The following ACAN variants were observed in gnomAD, a reference collection of about 807,000 sequenced individuals.
The protein encoded by ACAN is aggrecan core protein.
Under a neutral mutation model 169.1 loss-of-function variants are expected in ACAN, and 47 were observed. The ratio of observed to expected loss-of-function variants is 0.28; its 90% CI spans 0.22 to 0.35. ACAN has a LOEUF of 0.35. Ranked by LOEUF, ACAN falls within the 10% of genes least tolerant of loss-of-function variation. The pLI is 1.00. For synonymous variants in ACAN, 1,115 were observed against 1,112.2 expected, an observed-to-expected ratio of 1.00 and a Z score of -0.05; for missense variants, 2,716 against 2,759.9, an observed-to-expected ratio of 0.98 and a Z score of 0.36.
chr15:88,842,732 T>G (rs1021427522), intron 5 of ACAN, among the ~76,000 whole-genome samples: 1 of 152,230 alleles, frequency 6.6e-6, no homozygotes, highest in Non-Finnish European at 1.5e-5. Context: ...AACTGCCAGT[T>G]AGAGCTGCCA....
Position 88,858,639 on chromosome 15 carries a change from C to G in ACAN, c.6054C>G (p.Ser2018=). Reference sequence around the variant, plus strand: ...GCACCACCAATGTAAGTGGAGAATCCTCTGTAGCCATGGGCACCAGTGGAG... The same window carrying G: ...GCACCACCAATGTAAGTGGAGAATCGTCTGTAGCCATGGGCACCAGTGGAG... ...FASTTNVSGE[S]SVAMGTSGEA... Residue 2018 remains serine (S), a synonymous_variant, in exon 12 of 19, where the codon TCC becomes TCG. Transcript: ENST00000560601. This position sits in a 1 kb window ranked among gnomAD's most constrained non-coding sequence, Gnocchi z 4.0. 1 of 1,613,940 alleles carries G rather than the reference C, an allele frequency of 6.2e-7. No homozygotes were observed. Among genetic ancestry groups the G allele is most frequent in the Non-Finnish European group, 8.5e-7 (1 of 1,179,904 alleles).
chr15:88,839,064 G>A lies in ACAN; in HGVS notation c.454+18G>A, dbSNP rs747910085. On this transcript the variant is annotated intron_variant, in intron 3 of 18. Coordinates refer to ENST00000560601, the MANE Select transcript of ACAN (RefSeq NM_001369268.1). The surrounding 1 kb of genome is among the most constrained non-coding windows in gnomAD (Gnocchi z 4.5). ...GGTGAAAGGTGAGAGCCTCCCACAGGGACAGACGCTGCTTCACCCACATAA... is the reference window on the plus strand; with the variant it reads ...GGTGAAAGGTGAGAGCCTCCCACAGAGACAGACGCTGCTTCACCCACATAA... The A allele has an allele frequency of 1.9e-6, 3 of 1,598,006 alleles. No homozygotes were observed. Among genetic ancestry groups the A allele is most frequent in the Non-Finnish European group, 1.7e-6 (2 of 1,178,548 alleles).
At chr15:88,804,188 A>T (rs1470848264) in intron 1 of ACAN, among the ~76,000 whole-genome samples, 1 of 152,168 alleles carries the variant, frequency 6.6e-6, no homozygotes, top group Non-Finnish European at 1.5e-5. Flanking sequence ...CAAATCCCCG[A>T]GGTGCTACTT....
rs1896604547 is a variant in ACAN at position 88,839,871 on chromosome 15, G to A, written c.455-141G>A. On this transcript the variant is annotated intron_variant, in intron 3 of 18. Transcript: ENST00000560601. The surrounding 1 kb of genome is among the most constrained non-coding windows in gnomAD (Gnocchi z 4.5). ...ATTCAGAAGGATCACGTGCAAAGGTGTACAGGGAGTCATGCATCAGCCCAG... is the reference window on the plus strand; with the variant it reads ...ATTCAGAAGGATCACGTGCAAAGGTATACAGGGAGTCATGCATCAGCCCAG... 1 of 944,764 alleles carries A rather than the reference G, an allele frequency of 1.1e-6. No homozygotes were observed. Among genetic ancestry groups the A allele is most frequent in the South Asian group, 1.7e-5 (1 of 60,342 alleles). 58.5% of individuals were successfully genotyped at this position (944,764 alleles called of 1,614,324 possible).
At chr15:88,817,301 C>G (rs1261985910) in intron 1 of ACAN, among the ~76,000 whole-genome samples, 1 of 152,008 alleles carries the variant, frequency 6.6e-6, no homozygotes, top group Non-Finnish European at 1.5e-5. Flanking sequence ...GCCACCACGC[C>G]CGACTAATTT....
intron 1 of ACAN, among the ~76,000 whole-genome samples, chr15:88,804,990 A>T (rs1228035339): frequency 2.6e-5 from 4 of 152,160 alleles, no homozygotes; most frequent in South Asian, 2.1e-4. Context: ...TCGTCTGAAG[A>T]GGAGGGCAAG....
chr15:88,841,576 G>A (rs1896662043), intron 4 of ACAN, among the ~76,000 whole-genome samples, 164 bp from the exon 5 acceptor site: 1 of 152,136 alleles, frequency 6.6e-6, no homozygotes, highest in Non-Finnish European at 1.5e-5. Context: ...CTTTAATCAT[G>A]ATTCACTGTA....
At position 88,849,960 on chromosome 15, in the gene ACAN, T is replaced by A. The variant is rs1034521744; in HGVS notation, c.2026+229T>A. On this transcript the variant is annotated intron_variant, in intron 10 of 18. Transcript: ENST00000560601. This position sits in a 1 kb window ranked among gnomAD's most constrained non-coding sequence, Gnocchi z 5.1. ...AGTAGAGATAAATAAGAACTTGAGC[T>A]GGTATTTATGTCTACTAGAAATGAA... 3.0e-6 allele frequency: 2 copies of A among 659,408 alleles called. No homozygotes were observed. Among genetic ancestry groups the A allele is most frequent in the African/African-American group, 3.6e-5 (2 of 55,526 alleles). The allele number at this position is 659,408 out of a possible 1,614,324, so 40.8% of individuals were successfully genotyped here. A position where few individuals can be genotyped will look rare whatever the true frequency, so the allele number is the denominator to read the frequency against.
intron 1 of ACAN, among the ~76,000 whole-genome samples, chr15:88,806,878 A>G (rs775887968): frequency 2.0e-5 from 3 of 152,166 alleles, no homozygotes; most frequent in Non-Finnish European, 4.4e-5. Flanking sequence ...AATACCAGAT[A>G]ATCTCATAGT....
chr15:88,842,838 T>C (rs940457692), intron 5 of ACAN, among the ~76,000 whole-genome samples: 1 of 152,138 alleles, frequency 6.6e-6, no homozygotes, highest in African/African-American at 2.4e-5. Flanking sequence ...TTGTTAGATT[T>C]TGGGAAATTT....
rs1897079157 is a variant in ACAN, at chr15:88,857,360, G to C, written c.4775G>C (p.Gly1592Ala). ...GAGGACCTCAGTGGGTTGCCTTCTG[G>C]AAAAGAAGACTTGGTGGGGTCAGCT... ...GAEDLSGLPSGKEDLVGSASG... is the reference protein window; with the variant it reads ...GAEDLSGLPSAKEDLVGSASG... The change falls in exon 12 of 19, where the codon GGA (glycine) becomes GCA (alanine). Residue 1592 changes from glycine to alanine, a missense_variant. Transcript: ENST00000560601. The C allele has an allele frequency of 1.2e-6, 2 of 1,613,858 alleles. No individual in the cohort carries two copies. The highest frequency in any genetic ancestry group is 1.3e-5 in the African/African-American group (1 of 74,930).
Position 88,841,991 on chromosome 15 carries a change from C to A in ACAN, c.757+124C>A, listed in dbSNP as rs537393711. 146 of 1,320,502 alleles carry A rather than the reference C, an allele frequency of 1.1e-4. 1 individual carries two copies. The African/African-American group carries it at 1.3e-3, about 12-fold the overall frequency. 81.8% of individuals were successfully genotyped at this position (1,320,502 alleles called of 1,614,324 possible). A position where few individuals can be genotyped will look rare whatever the true frequency, so the allele number is the denominator to read the frequency against. ...AGCTCAGGGCCTGACACACTCTGTC[C>A]TCCTCTGCCATGAAGGGAGGTGGGC... On this transcript the variant is annotated intron_variant, in intron 5 of 18. Coordinates refer to ENST00000560601, the MANE Select transcript of ACAN (RefSeq NM_001369268.1).
At chr15:88,805,958 A>G (rs879041876) in intron 1 of ACAN, among the ~76,000 whole-genome samples, 2 of 152,040 alleles carry the variant, frequency 1.3e-5, no homozygotes, top group Non-Finnish European at 2.9e-5. Context: ...CCCCTCCCCA[A>G]TTAGAGAGGG....
chr15:88,842,737 C>T (rs1365665052), intron 5 of ACAN, among the ~76,000 whole-genome samples: 1 of 152,240 alleles, frequency 6.6e-6, no homozygotes, highest in South Asian at 2.1e-4. Flanking sequence ...CCAGTTAGAG[C>T]TGCCACTGAG....
rs1896876053 is a variant in ACAN at position 88,849,435 on chromosome 15, C to A, written c.1733-3C>A. The A allele has an allele frequency of 5.1e-6, 8 of 1,579,844 alleles. No individual in the cohort carries two copies. The East Asian group carries it at 1.8e-4, about 36-fold the overall frequency. On this transcript the variant is annotated splice_polypyrimidine_tract_variant and splice_region_variant and intron_variant, in intron 9 of 18. Transcript: ENST00000560601. The surrounding 1 kb of genome is among the most constrained non-coding windows in gnomAD (Gnocchi z 5.1). Reference sequence around the variant, plus strand: ...ATATTCTACCCCTTGCCTCTGCCCCCAGGGGAGGTGTTCTTCGCCACACGC... The same window carrying A: ...ATATTCTACCCCTTGCCTCTGCCCCAAGGGGAGGTGTTCTTCGCCACACGC...
intron 4 of ACAN, among the ~76,000 whole-genome samples, chr15:88,840,857 G>A (rs1000765263): frequency 1.3e-5 from 2 of 152,046 alleles, no homozygotes; most frequent in African/African-American, 2.4e-5. Context: ...ATAAAGAACT[G>A]GACTCAGCCG....
chr15:88,840,786 T>TAA lies in ACAN; in HGVS notation c.629+613_629+614dup, dbSNP rs11333209. Among the ~76,000 whole-genome samples the TAA allele has an allele frequency of 4.2e-3, 570 of 136,374 alleles. 6 individuals are homozygous for TAA. The highest frequency in any genetic ancestry group is 0.014 in the African/African-American group (547 of 38,776). The allele number at this position is 136,374 out of a possible 152,430, so 89.5% of individuals were successfully genotyped here. A position where few individuals can be genotyped will look rare whatever the true frequency, so the allele number is the denominator to read the frequency against. On this transcript the variant is annotated intron_variant, in intron 4 of 18. Coordinates refer to ENST00000560601, the MANE Select transcript of ACAN (RefSeq NM_001369268.1). ...TCTTAGGATACAAAAACTATAGCCA[T>TAA]AAAAAAAAAAAAAAGATGAGATAAT...
intron 11 of ACAN, 64 bp downstream of exon 11, chr15:88,852,097 G>C: frequency 1.3e-6 from 2 of 1,525,834 alleles, no homozygotes; most frequent in South Asian, 2.5e-5. Flanking sequence ...CCTACAGTGT[G>C]CCTGGTGGGG....
rs2141603599 is a variant in ACAN at position 88,855,380 on chromosome 15, C to T, written c.2795C>T (p.Pro932Leu). The T allele has an allele frequency of 6.2e-7, 1 of 1,613,178 alleles. No homozygotes were observed. Among genetic ancestry groups the T allele is most frequent in the Non-Finnish European group, 8.5e-7 (1 of 1,179,400 alleles). ...DEERIEWPST[P>L]TVGELPSGAE... Reference sequence around the variant, plus strand: ...GAGAGAATTGAGTGGCCCAGCACTCCTACGGTTGGTGAACTGCCCTCTGGA... The same window carrying T: ...GAGAGAATTGAGTGGCCCAGCACTCTTACGGTTGGTGAACTGCCCTCTGGA... Residue 932 changes from proline to leucine, a missense_variant, in exon 12 of 19, where the codon CCT becomes CTT. By Grantham distance (98) the Pro-to-Leu change is moderately conservative. Coordinates refer to ENST00000560601, the MANE Select transcript of ACAN (RefSeq NM_001369268.1).
Sources: gnomAD v4.1 joint callset for allele counts (sites outside exome capture counted in the v4.1 genomes callset) on GRCh38, gnomAD v4.1.1 for gene constraint, Gnocchi (gnomAD v3.1) non-coding constraint, MANE v1.5 for transcripts, NCBI Gene and HGNC (gene_info 2026-07-23, HGNC 2026-07-21) for gene names.